VDR: variants seen among roughly 807,000 people sequenced by gnomAD.
VDR encodes the protein vitamin D receptor, also known as vitamin D3 receptor.
In VDR, 19 loss-of-function variants were observed where a neutral mutation model predicts 39.7. The observed-to-expected ratio is 0.48, with a 90% CI of 0.33 to 0.70. The LOEUF (loss-of-function observed/expected upper bound fraction) is 0.70, where lower values mean the gene tolerates loss of function less well. Among genes scored for constraint, VDR ranks in the 30% least tolerant of loss-of-function variants. The probability of loss-of-function intolerance (pLI) is 0.02; values close to 1 mark genes in which losing one functional copy is unlikely to be tolerated. For synonymous variants in VDR, 242 were observed against 215.8 expected, an observed-to-expected ratio of 1.12 and a Z score of -1.07; for missense variants, 442 against 570.5, an observed-to-expected ratio of 0.77 and a Z score of 2.29.
chr12:47,870,617 G>C (rs889614399), intron 3 of VDR, among the ~76,000 whole-genome samples: 5 of 152,162 alleles, frequency 3.3e-5, no homozygotes, highest in African/African-American at 1.2e-4. Context: ...AAAGCATCAA[G>C]AGCCTGGGGC....
chr12:47,875,145 C>T (rs1945974512), intron 3 of VDR, among the ~76,000 whole-genome samples: 1 of 152,254 alleles, frequency 6.6e-6, no homozygotes, highest in East Asian at 1.9e-4. Flanking sequence ...TGATCCCTCT[C>T]TAACCTTCTA....
intron 3 of VDR, 134 bp downstream of exon 3, chr12:47,878,834 G>T: frequency 7.1e-7 from 1 of 1,410,958 alleles, no homozygotes; most frequent in Non-Finnish European, 9.8e-7. Context: ...TCCTGCTCCT[G>T]TGGCTGTGAG....
chr12:47,859,199 AG>A (rs1218939407), intron 4 of VDR, among the ~76,000 whole-genome samples: 1 of 152,196 alleles, frequency 6.6e-6, no homozygotes, highest in Non-Finnish European at 1.5e-5. Flanking sequence ...GACCAGAGTT[AG>A]GGAGACCTGT....
At chr12:47,882,516 G>A (rs954992678) in intron 2 of VDR, 178 bp downstream of exon 2, 25 of 590,544 alleles carry the variant, frequency 4.2e-5, no homozygotes, top group East Asian at 6.1e-5. Context: ...ACTCCCACCC[G>A]CACCCCACAC....
At chr12:47,896,588 T>TTTCTCC (rs1371051000) in intron 1 of VDR, 1 of 152,120 alleles carries the variant, frequency 6.6e-6, no homozygotes, top group East Asian at 1.9e-4. Flanking sequence ...GTCTGACTCT[T>TTTCTCC]TTCTCCTTCT....
intron 3 of VDR, among the ~76,000 whole-genome samples, chr12:47,870,486 G>A (rs187018098): frequency 5.1e-4 from 77 of 152,312 alleles, no homozygotes; most frequent in African/African-American, 1.8e-3. Context: ...GGGGGGTAGG[G>A]GTGGGGCAAC....
chr12:47,882,627 C>A, intron 2 of VDR, 67 bp downstream of exon 2: 3 of 562,066 alleles, frequency 5.3e-6, no homozygotes, highest in Non-Finnish European at 9.4e-6. Context: ...TCTTATGCCC[C>A]TCCCCCCCAC....
At chr12:47,857,034 C>A in intron 6 of VDR, 95 bp downstream of exon 6, 2 of 1,579,430 alleles carry the variant, frequency 1.3e-6, no homozygotes, top group Non-Finnish European at 1.7e-6. Context: ...CATTAGGGAG[C>A]CTTCCACCTC....
Position 47,896,419 on chromosome 12 carries a change from A to G in VDR, c.-84+8536T>C, listed in dbSNP as rs532951396. On this transcript the variant is annotated intron_variant, in intron 1 of 9. Coordinates refer to ENST00000549336, the MANE Select transcript of VDR (RefSeq NM_000376.3). The stretch of plus-strand genomic sequence containing the variant: ...GTTAGTTATTGTGTGGAGCAGGGGC[A>G]CTTCAGAGACAGGATTCAGATCTGT... Among the ~76,000 whole-genome samples, 14 of 152,220 alleles carry G rather than the reference A, an allele frequency of 9.2e-5. No individual in the cohort carries two copies. The East Asian group carries it at 2.5e-3, about 27-fold the overall frequency.
At chr12:47,850,666 G>A (rs1416506049) in intron 7 of VDR, among the ~76,000 whole-genome samples, 1 of 152,074 alleles carries the variant, frequency 6.6e-6, no homozygotes, top group Non-Finnish European at 1.5e-5. Flanking sequence ...GAGTAGAGGT[G>A]GAGTTACAGG....
chr12:47,845,234 T>G (rs750340669), intron 9 of VDR, among the ~76,000 whole-genome samples: 1 of 151,942 alleles, frequency 6.6e-6, no homozygotes, highest in Non-Finnish European at 1.5e-5. Flanking sequence ...CCTGGCCCTG[T>G]CCCTGCCTGG....
At chr12:47,853,133 T>G (rs1312150531) in intron 7 of VDR, among the ~76,000 whole-genome samples, 1 of 152,204 alleles carries the variant, frequency 6.6e-6, no homozygotes, top group Admixed American at 6.5e-5. Flanking sequence ...ATCTATTAAA[T>G]GTGTCAATAC....
At chr12:47,865,928 G>T (rs1592118605) in intron 3 of VDR, among the ~76,000 whole-genome samples, 1 of 150,472 alleles carries the variant, frequency 6.6e-6, no homozygotes, top group Non-Finnish European at 1.5e-5. Flanking sequence ...TGTTAGCCAG[G>T]ATGGTCTCGA....
At chr12:47,851,316 G>T (rs756691469) in intron 7 of VDR, among the ~76,000 whole-genome samples, 1 of 152,138 alleles carries the variant, frequency 6.6e-6, no homozygotes, top group Non-Finnish European at 1.5e-5. Context: ...GTGCCAGCAG[G>T]GAGGGAGATT....
intron 1 of VDR, chr12:47,904,743 C>T (rs1946637276): frequency 2.7e-6 from 3 of 1,104,384 alleles, no homozygotes; most frequent in Admixed American, 4.4e-5. Context: ...GCTCCCCTCG[C>T]CAGCCTGGCA....
At chr12:47,878,766 G>C in intron 3 of VDR, 1 of 845,494 alleles carries the variant, frequency 1.2e-6, no homozygotes. Flanking sequence ...TTCCAAGAGA[G>C]TCAGAGGAAC....
At chr12:47,883,070 A>G in intron 1 of VDR, 1 of 358,540 alleles carries the variant, frequency 2.8e-6, no homozygotes, top group Non-Finnish European at 5.1e-6. Context: ...CCGCCTAGGC[A>G]CTCCTTCTCC....
At chr12:47,899,882 T>C in intron 1 of VDR, 1 of 984,564 alleles carries the variant, frequency 1.0e-6, no homozygotes, top group East Asian at 1.1e-4. Context: ...CAAAGCAATG[T>C]GCACGGGGCC....
intron 4 of VDR, among the ~76,000 whole-genome samples, chr12:47,858,806 G>A (rs946758731): frequency 1.3e-5 from 2 of 152,258 alleles, no homozygotes. Flanking sequence ...CCCAGGGTGG[G>A]TGAGTTCCAG....
Sources: gnomAD v4.1 joint callset for allele counts (sites outside exome capture counted in the v4.1 genomes callset) on GRCh38, gnomAD v4.1.1 for gene constraint, MANE v1.5 for transcripts, NCBI Gene and HGNC (gene_info 2026-07-23, HGNC 2026-07-21) for gene names.